DNAH2: variants seen among roughly 807,000 people sequenced by gnomAD.
The protein encoded by DNAH2 is dynein axonemal heavy chain 2, also known as axonemal beta dynein heavy chain 2.
DNAH2 carries 323 observed loss-of-function variants against 523.5 expected under a neutral mutation model. The ratio of observed to expected loss-of-function variants is 0.62; its 90% CI spans 0.56 to 0.68. The LOEUF is 0.68. Ranked by LOEUF, DNAH2 falls within the 30% of genes least tolerant of loss-of-function variation. The probability of loss-of-function intolerance (pLI) is 0.00; values close to 1 mark genes in which losing one functional copy is unlikely to be tolerated. For synonymous variants in DNAH2, 2,093 were observed against 2,177.4 expected, an observed-to-expected ratio of 0.96 and a Z score of 1.08; for missense variants, 4,907 against 5,701.5, an observed-to-expected ratio of 0.86 and a Z score of 4.49.
chr17:7,734,833 G>A, intron 7 of DNAH2, 125 bp downstream of exon 7: 1 of 921,824 alleles, frequency 1.1e-6, no homozygotes, highest in Non-Finnish European at 1.7e-6. Flanking sequence ...CCCACCCAGG[G>A]TTCGGCCTTG....
chr17:7,752,670 A>G (rs1022434818), intron 12 of DNAH2, among the ~76,000 whole-genome samples: 11 of 152,188 alleles, frequency 7.2e-5, no homozygotes, highest in African/African-American at 2.7e-4. Context: ...AGATTGCGCC[A>G]CTGCACTCCA....
At chr17:7,766,266 G>C in intron 21 of DNAH2, 52 bp from the exon 22 acceptor site, 1 of 1,587,346 alleles carries the variant, frequency 6.3e-7, no homozygotes, top group South Asian at 1.1e-5. Context: ...AGCCATGGCT[G>C]TCCTTGCCAG....
chr17:7,739,607 C>CTTT, intron 8 of DNAH2, 126 bp from the exon 9 acceptor site: 16 of 731,178 alleles, frequency 2.2e-5, no homozygotes, highest in South Asian at 8.5e-5. Context: ...TTTTCTTCTT[C>CTTT]TTTTTTTTTT....
chr17:7,728,262 T>C (rs2074885349), intron 4 of DNAH2, among the ~76,000 whole-genome samples: 1 of 152,190 alleles, frequency 6.6e-6, no homozygotes, highest in Non-Finnish European at 1.5e-5. Context: ...ATACAGGTCA[T>C]CACTGTAAAA....
chr17:7,730,332 A>G (rs1225372234), intron 4 of DNAH2, among the ~76,000 whole-genome samples: 3 of 152,248 alleles, frequency 2.0e-5, no homozygotes, highest in Non-Finnish European at 2.9e-5. Context: ...ATGCAGAAGA[A>G]AAAGCCAAGG....
chr17:7,830,879 T>A lies in DNAH2; in HGVS notation c.12230+37T>A, dbSNP rs751622562. The A allele has an allele frequency of 2.5e-6, 4 of 1,611,308 alleles. No individual in the cohort carries two copies. The Admixed American group carries it at 6.7e-5, about 27-fold the overall frequency. On this transcript the variant is annotated intron_variant, in intron 79 of 85. Transcript: ENST00000572933. ...GTGGCCCTGGACAGGGAGCCAGAGG[T>A]CACAAGTCAGCCAGGTGGTGGGATC...
intron 4 of DNAH2, among the ~76,000 whole-genome samples, chr17:7,731,711 A>C (rs1473627727): frequency 6.6e-6 from 1 of 152,152 alleles, no homozygotes; most frequent in Non-Finnish European, 1.5e-5. Flanking sequence ...ATCTTCACAA[A>C]AATAATAGTT....
rs1039267562 is a variant in DNAH2 at position 7,832,455 on chromosome 17, G to T, written c.12727-124G>T. On this transcript the variant is annotated intron_variant, in intron 82 of 85. Coordinates refer to ENST00000572933, the MANE Select transcript of DNAH2 (RefSeq NM_020877.5). This position sits in a 1 kb window ranked among gnomAD's most constrained non-coding sequence, Gnocchi z 4.3. ...ACTTGGGAGGTGGAGGTTGCAGTGA[G>T]CCAAGATCGTACCACTGCACTCCAG... The T allele has an allele frequency of 8.3e-7, 1 of 1,199,210 alleles. No individual in the cohort carries two copies. The highest frequency in any genetic ancestry group is 1.5e-5 in the African/African-American group (1 of 65,892). 74.3% of individuals were successfully genotyped at this position (1,199,210 alleles called of 1,614,324 possible).
chr17:7,824,525 A>G lies in DNAH2; in HGVS notation c.11663-12A>G. ...GGAAATGATTCCCACTGACCCTGGC[A>G]TCTCCTTGCAGGACACTGGGTGTTC... On this transcript the variant is annotated splice_polypyrimidine_tract_variant and intron_variant, in intron 76 of 85. Coordinates refer to ENST00000572933, the MANE Select transcript of DNAH2 (RefSeq NM_020877.5). The G allele has an allele frequency of 6.5e-7, 1 of 1,530,754 alleles. No homozygotes were observed. Among genetic ancestry groups the G allele is most frequent in the Non-Finnish European group, 8.9e-7 (1 of 1,129,606 alleles). The allele number at this position is 1,530,754 out of a possible 1,614,324, so 94.8% of individuals were successfully genotyped here.
chr17:7,734,333 G>C, intron 6 of DNAH2, 40 bp downstream of exon 6: 1 of 1,607,074 alleles, frequency 6.2e-7, no homozygotes, highest in Non-Finnish European at 8.5e-7. Flanking sequence ...GGCGATCACA[G>C]GGGAGAGGGA....
At chr17:7,817,493 A>G (rs2077706489) in intron 65 of DNAH2, 68 bp from the exon 66 acceptor site, 2 of 1,613,348 alleles carry the variant, frequency 1.2e-6, no homozygotes, top group Non-Finnish European at 1.7e-6. Flanking sequence ...ATTAAGAGAT[A>G]CCGTGAAGGC....
chr17:7,825,989 C>T (rs1361647419), intron 77 of DNAH2, among the ~76,000 whole-genome samples: 1 of 152,152 alleles, frequency 6.6e-6, no homozygotes, highest in East Asian at 1.9e-4. Flanking sequence ...GAGGCTGAAG[C>T]AGGTGGATCA....
intron 1 of DNAH2, among the ~76,000 whole-genome samples, chr17:7,719,418 C>T (rs1026137321): frequency 2.6e-5 from 4 of 152,064 alleles, no homozygotes; most frequent in African/African-American, 9.7e-5. Flanking sequence ...CATGAGCCAC[C>T]GCACCCAGCC....
rs139155568 is a variant in DNAH2, at chr17:7,721,968, A to T, written c.167-1660A>T. 5.8e-3 allele frequency among the ~76,000 whole-genome samples: 885 copies of T among 152,270 alleles called. 7 individuals carry two copies. The highest frequency in any genetic ancestry group is 7.1e-3 in the Non-Finnish European group (481 of 68,014). ...AATAACCTCAGTACTAACCGCCTTC[A>T]TTCCCTCACCCCTACCCCAGTTAGT... On this transcript the variant is annotated intron_variant, in intron 2 of 85. Transcript: ENST00000572933.
chr17:7,723,213 G>A (rs1331908635), intron 2 of DNAH2, among the ~76,000 whole-genome samples: 9 of 145,458 alleles, frequency 6.2e-5, no homozygotes, highest in South Asian at 2.2e-4. Context: ...CTCATGATCC[G>A]CCCGCCTTGG....
chr17:7,823,515 C>T lies in DNAH2; in HGVS notation c.11216C>T (p.Thr3739Ile). The T allele has an allele frequency of 6.2e-7, 1 of 1,614,158 alleles. No individual in the cohort carries two copies. The highest frequency in any genetic ancestry group is 1.1e-5 in the South Asian group (1 of 91,084). The change falls in exon 74 of 86, where the codon ACA becomes ATA. Residue 3739 changes from threonine to isoleucine, a missense_variant. Thr to Ile is a moderately conservative substitution (Grantham distance 89). Transcript: ENST00000572933. ...GCAGATGCCTACTGGGATAACATCA[C>T]AGAGCTAGACAAACTGACCAACTTC... is the stretch of plus-strand genomic sequence containing the variant. ...WLADAYWDNI[T>I]ELDKLTNFHG...
intron 22 of DNAH2, 60 bp from the exon 23 acceptor site, chr17:7,767,840 G>A (rs1030878625): frequency 1.2e-5 from 19 of 1,606,696 alleles, no homozygotes; most frequent in East Asian, 2.2e-5. Flanking sequence ...GGGCCTGGGC[G>A]TCCGTCAGGG....
At chr17:7,817,882 C>CT in intron 67 of DNAH2, 26 bp downstream of exon 67, 1 of 1,185,482 alleles carries the variant, frequency 8.4e-7, no homozygotes, top group Non-Finnish European at 1.1e-6. Context: ...GTCAGGTTAG[C>CT]CCCCCCCTTC....
chr17:7,818,195 A>C (rs750580968), intron 68 of DNAH2, 99 bp downstream of exon 68: 272 of 1,594,992 alleles, frequency 1.7e-4, no homozygotes, highest in Non-Finnish European at 2.2e-4. Flanking sequence ...CCATTCAGAC[A>C]GCCCTGGCCT....
Sources: allele counts gnomAD v4.1 joint callset (sites outside exome capture counted in the v4.1 genomes callset), GRCh38; gene constraint gnomAD v4.1.1; non-coding constraint Gnocchi (gnomAD v3.1); transcripts MANE v1.5; gene names NCBI Gene and HGNC (gene_info 2026-07-23, HGNC 2026-07-21).